Variants in KANSL1 observed in about 807,000 individuals in gnomAD.
KANSL1 encodes MLL1/MLL complex subunit KANSL1.
Under a neutral mutation model 103.6 loss-of-function variants are expected in KANSL1, and 22 were observed. That is an observed-to-expected ratio of 0.21 (90% CI 0.15 to 0.30). The LOEUF (loss-of-function observed/expected upper bound fraction) is 0.30. Among genes scored for constraint, KANSL1 ranks in the 10% least tolerant of loss-of-function variants. KANSL1 has a pLI of 1.00. For missense variants in KANSL1, 1,337 were observed against 1,399.8 expected, an observed-to-expected ratio of 0.96 and a Z score of 0.72; for synonymous variants, 600 against 527.6, an observed-to-expected ratio of 1.14 and a Z score of -1.88.
At chr17:46,199,278 T>C (rs138462773) in intron 1 of KANSL1, among the ~76,000 whole-genome samples, 165 of 152,344 alleles carry the variant, frequency 1.1e-3, no homozygotes, top group African/African-American at 3.6e-3. Flanking sequence ...TGCTACTCAA[T>C]TGGTGAACTG....
At chr17:46,151,264 C>T (rs1436147724) in intron 2 of KANSL1, among the ~76,000 whole-genome samples, 1 of 152,244 alleles carries the variant, frequency 6.6e-6, no homozygotes, top group Admixed American at 6.5e-5. Flanking sequence ...ATGCATGCTC[C>T]TGCCACCCCG....
intron 2 of KANSL1, among the ~76,000 whole-genome samples, chr17:46,147,145 T>C (rs1053438627): frequency 5.3e-5 from 8 of 152,348 alleles, no homozygotes; most frequent in African/African-American, 1.4e-4. Flanking sequence ...TGAAAAGCCA[T>C]AGTACTTGCA....
chr17:46,220,754 T>C (rs556494783), intron 1 of KANSL1, among the ~76,000 whole-genome samples: 1 of 152,330 alleles, frequency 6.6e-6, no homozygotes, highest in East Asian at 1.9e-4. Flanking sequence ...CGGCGTGATC[T>C]CAGCTCACTG....
intron 1 of KANSL1, among the ~76,000 whole-genome samples, chr17:46,177,398 T>C (rs1191170195): frequency 1.3e-5 from 2 of 152,236 alleles, no homozygotes; most frequent in Non-Finnish European, 2.9e-5. Flanking sequence ...TTCCCTGTTA[T>C]GTCTAGACTT....
In KANSL1 at chr17:46,171,110, A is replaced by G. The variant is rs766067926; in HGVS notation, c.1034T>C (p.Met345Thr). The G allele has an allele frequency of 2.5e-6, 4 of 1,614,192 alleles. No individual in the cohort carries two copies. In the East Asian group the frequency reaches 8.9e-5, roughly 36 times the overall value. Residue 345 changes from methionine (M) to threonine (T), a missense_variant, in exon 2 of 15, where the codon ATG (methionine) becomes ACG (threonine). Physicochemically the swap from Met to Thr is moderately conservative, Grantham distance 81. Around this residue, in one of 2 missense-constraint regions of KANSL1, gnomAD observed 557 missense variants for 476.4 expected, o/e 1.17. Transcript: ENST00000432791. The stretch of plus-strand genomic sequence containing the variant: ...GGCAGCTTCAGCCTTTCGAGTCAGC[A>G]TCAACTGGCTCCGTGGTCTCAAGGA... ...LESLRPRSQL[M>T]LTRKAEAALR...
intron 2 of KANSL1, among the ~76,000 whole-genome samples, chr17:46,167,577 A>T (rs538554416): frequency 6.6e-6 from 1 of 152,382 alleles, no homozygotes; most frequent in East Asian, 1.9e-4. Context: ...GTACCAAGAA[A>T]GGAAGATATG....
chr17:46,139,153 T>A (rs1200450390), intron 2 of KANSL1, among the ~76,000 whole-genome samples: 1 of 152,216 alleles, frequency 6.6e-6, no homozygotes, highest in African/African-American at 2.4e-5. Context: ...ACCTAGGACA[T>A]CACAGGAAAC....
intron 2 of KANSL1, among the ~76,000 whole-genome samples, chr17:46,104,951 G>C: frequency 6.6e-6 from 1 of 152,124 alleles, no homozygotes; most frequent in East Asian, 1.9e-4. Flanking sequence ...AAGTAGCTGG[G>C]ATTACAGGTG....
At position 46,151,845 on chromosome 17, in the gene KANSL1, A is replaced by C. The variant is rs1055454351; in HGVS notation, c.1289+19010T>G. Reference sequence around the variant, plus strand: ...AATCATTAATACCCATGTTTCTGGAAGGAAAATCTACAGCTTTTCTTTAAA... The same window carrying C: ...AATCATTAATACCCATGTTTCTGGACGGAAAATCTACAGCTTTTCTTTAAA... On this transcript the variant is annotated intron_variant, in intron 2 of 14. Coordinates refer to ENST00000432791, the MANE Select transcript of KANSL1 (RefSeq NM_015443.4). 6.6e-5 allele frequency among the ~76,000 whole-genome samples: 10 copies of C among 152,372 alleles called. No homozygotes were observed. In the East Asian group the frequency reaches 1.9e-3, roughly 29 times the overall value.
chr17:46,080,021 GAGAC>G (rs1007737555), intron 4 of KANSL1, among the ~76,000 whole-genome samples: 9 of 151,556 alleles, frequency 5.9e-5, no homozygotes, highest in Non-Finnish European at 1.2e-4. Context: ...AGGGGAGAGA[GAGAC>G]AGAGAGAGAG....
chr17:46,066,812 A>G (rs1410249853), intron 5 of KANSL1, 80 bp from the exon 6 acceptor site: 1 of 1,047,998 alleles, frequency 9.5e-7, no homozygotes, highest in Non-Finnish European at 1.4e-6. Context: ...ACAAAGAAAC[A>G]AAGCCTCTTA....
chr17:46,202,571 C>T (rs1391316100), intron 1 of KANSL1, among the ~76,000 whole-genome samples: 1 of 152,084 alleles, frequency 6.6e-6, no homozygotes, highest in African/African-American at 2.4e-5. Flanking sequence ...GTAATCCTTC[C>T]AGGCAGAAGA....
chr17:46,084,361 G>A (rs1050244943), intron 3 of KANSL1, among the ~76,000 whole-genome samples: 10 of 151,494 alleles, frequency 6.6e-5, no homozygotes, highest in South Asian at 6.2e-4. Flanking sequence ...CAGCCTGGGC[G>A]ACAGACCAAG....
chr17:46,110,420 G>T (rs1842109970), intron 2 of KANSL1, among the ~76,000 whole-genome samples: 1 of 152,168 alleles, frequency 6.6e-6, no homozygotes, highest in Non-Finnish European at 1.5e-5. Flanking sequence ...TGGGTATTAT[G>T]ATCATCACTG....
At chr17:46,162,932 C>A (rs1188040790) in intron 2 of KANSL1, among the ~76,000 whole-genome samples, 1 of 152,208 alleles carries the variant, frequency 6.6e-6, no homozygotes, top group Non-Finnish European at 1.5e-5. Context: ...CTTGTTTCCT[C>A]AATGAGCAGC....
chr17:46,074,672 G>T (rs2078693578), intron 4 of KANSL1, among the ~76,000 whole-genome samples: 1 of 151,986 alleles, frequency 6.6e-6, no homozygotes, highest in South Asian at 2.1e-4. Context: ...GAGGCTGAGA[G>T]ATGGGAGGAT....
chr17:46,189,362 G>T (rs1241597520), intron 1 of KANSL1, among the ~76,000 whole-genome samples: 1 of 152,180 alleles, frequency 6.6e-6, no homozygotes, highest in Non-Finnish European at 1.5e-5. Context: ...GAGGTCCTTT[G>T]TTGGGGGGTG....
chr17:46,189,061 A>AAAAAAAAAAAAAAC (rs2047176943), intron 1 of KANSL1, among the ~76,000 whole-genome samples: 1 of 133,760 alleles, frequency 7.5e-6, no homozygotes, highest in African/African-American at 2.7e-5. Flanking sequence ...AAAAAAAAAA[A>AAAAAAAAAAAAAAC]AAAAAGACAA....
intron 2 of KANSL1, among the ~76,000 whole-genome samples, chr17:46,148,816 T>C (rs747988210): frequency 6.6e-6 from 1 of 150,938 alleles, no homozygotes; most frequent in Non-Finnish European, 1.5e-5. Flanking sequence ...GAACGCCTGA[T>C]CTCAAGTAAT....
Sources: allele counts gnomAD v4.1 joint callset (sites outside exome capture counted in the v4.1 genomes callset), GRCh38; gene constraint gnomAD v4.1.1; regional missense constraint gnomAD v4.1.1; transcripts MANE v1.5; gene names NCBI Gene and HGNC (gene_info 2026-07-23, HGNC 2026-07-21).